Variants in SAMMSON observed in about 807,000 individuals in gnomAD.
SAMMSON encodes the protein survival associated mitochondrial melanoma specific oncogenic non-coding RNA, also known as long intergenic non-protein coding RNA 1212.
intron 6 of SAMMSON, among the ~76,000 whole-genome samples, chr3:70,269,129 G>A (rs1461466453): frequency 1.3e-5 from 2 of 151,994 alleles, no homozygotes; most frequent in African/African-American, 4.8e-5. Context: ...ATATTTACAA[G>A]GCTGACATAT....
chr3:70,249,518 A>C (rs1185189205), intron 5 of SAMMSON: 1 of 152,144 alleles, frequency 6.6e-6, no homozygotes, highest in Admixed American at 6.6e-5. Flanking sequence ...CTGATTAATC[A>C]TCCTTTCCCC....
intron 4 of SAMMSON, among the ~76,000 whole-genome samples, chr3:70,147,618 C>A (rs2067554818): frequency 3.3e-5 from 5 of 151,996 alleles, no homozygotes; most frequent in African/African-American, 1.2e-4. Context: ...AGAAAATAAA[C>A]CTTGACCTAA....
At chr3:70,409,424 TAAG>T (rs1701201072) in intron 2 of SAMMSON, among the ~76,000 whole-genome samples, 1 of 151,614 alleles carries the variant, frequency 6.6e-6, no homozygotes, top group African/African-American at 2.4e-5. Flanking sequence ...AAAAGTCACT[TAAG>T]AGAGAGAAGA....
intron 3 of SAMMSON, among the ~76,000 whole-genome samples, chr3:70,020,391 G>A (rs1209129006): frequency 1.3e-5 from 2 of 152,106 alleles, no homozygotes; most frequent in African/African-American, 4.8e-5. Context: ...ATGACCAAAG[G>A]AACTGAAATT....
At chr3:70,208,168 G>A (rs574430267) in intron 4 of SAMMSON, among the ~76,000 whole-genome samples, 1 of 152,184 alleles carries the variant, frequency 6.6e-6, no homozygotes, top group South Asian at 2.1e-4. Flanking sequence ...ACCTGAACAA[G>A]CAACAGTCCT....
intron 4 of SAMMSON, among the ~76,000 whole-genome samples, chr3:70,188,581 T>C (rs1336211667): frequency 1.3e-5 from 2 of 152,158 alleles, no homozygotes; most frequent in African/African-American, 4.8e-5. Context: ...TGATATGATG[T>C]GGGATAGTGC....
chr3:70,308,010 T>C (rs1254996445), intron 7 of SAMMSON, among the ~76,000 whole-genome samples: 1 of 152,142 alleles, frequency 6.6e-6, no homozygotes, highest in African/African-American at 2.4e-5. Flanking sequence ...TAGACCACCT[T>C]GGCCCACAGT....
At chr3:70,091,899 A>G (rs2067306250) in intron 4 of SAMMSON, among the ~76,000 whole-genome samples, 1 of 152,190 alleles carries the variant, frequency 6.6e-6, no homozygotes, top group South Asian at 2.1e-4. Flanking sequence ...GTTGAACTCC[A>G]TGTGCCTACA....
chr3:70,021,074 A>G (rs1046155367), intron 3 of SAMMSON, among the ~76,000 whole-genome samples: 3 of 152,142 alleles, frequency 2.0e-5, no homozygotes, highest in Non-Finnish European at 2.9e-5. Context: ...TTCCATGGAA[A>G]GTGACTTTAG....
At chr3:70,151,533 G>C (rs1027246151) in intron 4 of SAMMSON, among the ~76,000 whole-genome samples, 2 of 151,924 alleles carry the variant, frequency 1.3e-5, no homozygotes, top group Non-Finnish European at 2.9e-5. Flanking sequence ...CAGTCTCTAA[G>C]AACATCATCC....
chr3:70,020,376 A>C (rs1163764405), intron 3 of SAMMSON, among the ~76,000 whole-genome samples: 1 of 152,208 alleles, frequency 6.6e-6, no homozygotes, highest in Non-Finnish European at 1.5e-5. Flanking sequence ...GACCTCTCCT[A>C]GGAAATGACC....
chr3:70,382,834 C>T (rs1703084080), intron 9 of SAMMSON, among the ~76,000 whole-genome samples: 1 of 152,046 alleles, frequency 6.6e-6, no homozygotes, highest in Admixed American at 6.6e-5. Context: ...ACAGTTCATA[C>T]ACATAGCTCT....
chr3:70,300,298 T>C (rs7431772), intron 7 of SAMMSON, among the ~76,000 whole-genome samples: 152,208 of 152,262 alleles, frequency 1, 76,077 homozygotes, highest in Admixed American at 1. Flanking sequence ...AATCTATTGA[T>C]TTATAGATAA....
At chr3:70,123,189 T>A (rs2067442405) in intron 4 of SAMMSON, among the ~76,000 whole-genome samples, 1 of 152,196 alleles carries the variant, frequency 6.6e-6, no homozygotes, top group Non-Finnish European at 1.5e-5. Context: ...AGTTCAAAGA[T>A]TCTACTGATG....
intron 4 of SAMMSON, among the ~76,000 whole-genome samples, chr3:70,138,054 G>A (rs2067513235): frequency 6.6e-6 from 1 of 152,158 alleles, no homozygotes; most frequent in Admixed American, 6.5e-5. Context: ...AAGAGGAATT[G>A]CTGAATAAAA....
intron 2 of SAMMSON, among the ~76,000 whole-genome samples, chr3:70,429,250 A>G (rs1701394429): frequency 6.6e-6 from 1 of 152,170 alleles, no homozygotes; most frequent in South Asian, 2.1e-4. Flanking sequence ...TGTTTGTATC[A>G]GGATTCTCAA....
intron 7 of SAMMSON, among the ~76,000 whole-genome samples, chr3:70,351,384 C>T (rs931047279): frequency 6.6e-6 from 1 of 151,948 alleles, no homozygotes; most frequent in African/African-American, 2.4e-5. Context: ...AGATAAAGAA[C>T]CTGGTATTTG....
chr3:70,272,660 A>G (rs1701985890), intron 6 of SAMMSON, among the ~76,000 whole-genome samples: 1 of 152,168 alleles, frequency 6.6e-6, no homozygotes, highest in African/African-American at 2.4e-5. Flanking sequence ...TGTATGTTTA[A>G]CTTTATAAAA....
At chr3:70,087,919 C>A (rs977736017) in intron 4 of SAMMSON, among the ~76,000 whole-genome samples, 2 of 152,058 alleles carry the variant, frequency 1.3e-5, no homozygotes, top group East Asian at 3.9e-4. Flanking sequence ...AAGACAGGGG[C>A]AAATATCAGA....
Sources: gnomAD v4.1 joint callset for allele counts (sites outside exome capture counted in the v4.1 genomes callset) on GRCh38, gnomAD v4.1.1 for gene constraint, MANE v1.5 for transcripts, NCBI Gene and HGNC (gene_info 2026-07-23, HGNC 2026-07-21) for gene names.